The following SRFBP1 variants were observed in gnomAD, a reference collection of about 807,000 sequenced individuals.
SRFBP1 encodes the protein serum response factor binding protein 1, also known as serum response factor-binding protein 1.
SRFBP1 carries 47 observed loss-of-function variants against 45.5 expected under a neutral mutation model. The observed-to-expected ratio is 1.03, with a 90% CI of 0.82 to 1.32. SRFBP1 has a LOEUF of 1.32. SRFBP1 is among the 40% of genes most tolerant of loss of function. The pLI is 0.00. For synonymous variants in SRFBP1, 203 were observed against 166.3 expected (o/e 1.22, Z -1.70); for missense variants, 621 against 484.6 (o/e 1.28, Z -2.64).
intron 7 of SRFBP1, among the ~76,000 whole-genome samples, chr5:122,022,922 G>A (rs1433975942): frequency 1.3e-5 from 2 of 152,190 alleles, no homozygotes; most frequent in African/African-American, 4.8e-5. Flanking sequence ...CCACTGTGAT[G>A]AATTAGCAGA....
intron 4 of SRFBP1, among the ~76,000 whole-genome samples, chr5:121,996,296 AT>A (rs1406080934): frequency 2.7e-5 from 2 of 75,398 alleles, no homozygotes; most frequent in Non-Finnish European, 5.3e-5. Context: ...CCAGCAGCAC[AT>A]CAAAAAGCTT....
intron 3 of SRFBP1, among the ~76,000 whole-genome samples, chr5:121,989,101 A>G (rs116719711): frequency 0.045 from 6,801 of 152,016 alleles, 178 homozygotes; most frequent in African/African-American, 0.061. Flanking sequence ...GTCTAGCTCT[A>G]TTGCCAGGCT....
At chr5:121,980,476 G>A (rs985284686) in intron 3 of SRFBP1, among the ~76,000 whole-genome samples, 4 of 152,006 alleles carry the variant, frequency 2.6e-5, no homozygotes, top group African/African-American at 9.7e-5. Flanking sequence ...GGCTACATCC[G>A]TTAAAACGTT....
At chr5:121,976,023 T>G (rs1242341334) in intron 3 of SRFBP1, among the ~76,000 whole-genome samples, 3 of 152,016 alleles carry the variant, frequency 2.0e-5, no homozygotes, top group African/African-American at 7.2e-5. Context: ...AAACAACATT[T>G]GGTCCCAGCA....
chr5:121,963,219 A>T (rs1047978428), intron 1 of SRFBP1, among the ~76,000 whole-genome samples: 3 of 152,218 alleles, frequency 2.0e-5, no homozygotes, highest in Middle Eastern at 3.2e-3. Context: ...TTGTGAGATG[A>T]AGAAGGAAAT....
chr5:122,076,461 GA>G (rs1754636920), downstream of SRFBP1, among the ~76,000 whole-genome samples: 1 of 152,104 alleles, frequency 6.6e-6, no homozygotes, highest in African/African-American at 2.4e-5. Flanking sequence ...AACAAAAGAG[GA>G]AAACTTAGTC....
chr5:122,078,691 A>G (rs1031147996), downstream of SRFBP1, among the ~76,000 whole-genome samples: 11 of 152,118 alleles, frequency 7.2e-5, no homozygotes, highest in African/African-American at 2.4e-4. Flanking sequence ...TTGTGACTAA[A>G]GTTTATCCAT....
chr5:122,054,161 A>G (rs1754037063), intron 2 of SRFBP1, among the ~76,000 whole-genome samples: 1 of 152,180 alleles, frequency 6.6e-6, no homozygotes, highest in Non-Finnish European at 1.5e-5. Context: ...GTCCCTTTGG[A>G]CTTGACTGTT....
chr5:122,077,839 C>T (rs772168648), downstream of SRFBP1: 17 of 1,552,612 alleles, frequency 1.1e-5, no homozygotes, highest in East Asian at 3.4e-4. This position sits in a 1 kb window ranked among gnomAD's most constrained non-coding sequence, Gnocchi z 4.9. Context: ...GCCCGTTGTT[C>T]TCCCATTGGA....
intron 6 of SRFBP1, 75 bp downstream of exon 6, chr5:122,020,877 A>G: frequency 7.7e-7 from 1 of 1,292,270 alleles, no homozygotes; most frequent in Non-Finnish European, 1.0e-6. Context: ...TTGTCCATAC[A>G]TGAAGAGACT....
downstream of SRFBP1, chr5:122,076,085 T>C (rs572747211): frequency 1.3e-5 from 2 of 152,346 alleles, no homozygotes; most frequent in African/African-American, 4.8e-5. Context: ...AAAAACATCA[T>C]AGGGAGTTCA....
At chr5:122,013,166 A>G (rs999703734) in intron 4 of SRFBP1, among the ~76,000 whole-genome samples, 1 of 151,990 alleles carries the variant, frequency 6.6e-6, no homozygotes, top group Admixed American at 6.6e-5. Flanking sequence ...TTGCCTGAAA[A>G]CTTCACTGTG....
downstream of SRFBP1, among the ~76,000 whole-genome samples, chr5:122,031,906 G>T (rs1347832706): frequency 1.3e-5 from 2 of 152,172 alleles, no homozygotes; most frequent in East Asian, 3.9e-4. Flanking sequence ...CCACTTACAT[G>T]CAATGTCCAA....
At chr5:121,993,342 A>G (rs1752654453) in intron 3 of SRFBP1, among the ~76,000 whole-genome samples, 1 of 152,172 alleles carries the variant, frequency 6.6e-6, no homozygotes, top group African/African-American at 2.4e-5. Flanking sequence ...GCTTCATTTT[A>G]AAACCTGTGT....
chr5:121,997,348 A>G (rs1752750853), intron 4 of SRFBP1, among the ~76,000 whole-genome samples: 1 of 150,520 alleles, frequency 6.6e-6, no homozygotes, highest in South Asian at 2.1e-4. Flanking sequence ...CAGAGCCCTC[A>G]GAAATAACGC....
intron 1 of SRFBP1, among the ~76,000 whole-genome samples, chr5:121,972,146 A>G (rs549441065): frequency 6.6e-6 from 1 of 151,972 alleles, no homozygotes; most frequent in East Asian, 1.9e-4. Flanking sequence ...TGACAATGCT[A>G]TGGTAAAGGG....
chr5:122,007,777 G>A lies in SRFBP1; in HGVS notation c.271-11483G>A, dbSNP rs536685823. 6.0e-5 allele frequency among the ~76,000 whole-genome samples: 9 copies of A among 150,666 alleles called. No individual in the cohort carries two copies. In the South Asian group the frequency reaches 1.2e-3, roughly 21 times the overall value. On this transcript the variant is annotated intron_variant, in intron 4 of 7. Coordinates refer to ENST00000339397, the MANE Select transcript of SRFBP1 (RefSeq NM_152546.3). ...CCTTGGGGACTCAGCCTGGCACTGG[G>A]CAGGTTTGGAGCCTGTCTCTGCACG...
intron 3 of SRFBP1, among the ~76,000 whole-genome samples, chr5:121,986,846 T>C (rs1752527959): frequency 1.3e-5 from 2 of 152,104 alleles, no homozygotes; most frequent in African/African-American, 4.8e-5. Flanking sequence ...GAGAAACTTT[T>C]TAGAATGACA....
At chr5:122,038,593 A>G (rs1200735208) in intron 2 of SRFBP1, among the ~76,000 whole-genome samples, 7 of 152,204 alleles carry the variant, frequency 4.6e-5, no homozygotes, top group Admixed American at 1.3e-4. Flanking sequence ...AGATCCACTG[A>G]GACTCCTGGC....
Sources: gnomAD v4.1 joint callset for allele counts (sites outside exome capture counted in the v4.1 genomes callset) on GRCh38, gnomAD v4.1.1 for gene constraint, Gnocchi (gnomAD v3.1) non-coding constraint, MANE v1.5 for transcripts, NCBI Gene and HGNC (gene_info 2026-07-23, HGNC 2026-07-21) for gene names.